The following LAMA2 variants were observed in gnomAD, a reference collection of about 807,000 sequenced individuals.
LAMA2 encodes the protein laminin subunit alpha 2.
A neutral mutation model predicts 364.8 loss-of-function variants in LAMA2; 269 were observed. The observed-to-expected ratio is 0.74, with a 90% confidence interval of 0.67 to 0.82. LAMA2 has a LOEUF of 0.82. Ranked by LOEUF, LAMA2 falls within the 40% of genes least tolerant of loss-of-function variation. The probability of loss-of-function intolerance (pLI) is 0.00; values close to 1 mark genes in which losing one functional copy is unlikely to be tolerated. For missense variants in LAMA2, 3,807 were observed against 3,873.2 expected, an observed-to-expected ratio of 0.98 and a Z score of 0.45; for synonymous variants, 1,379 against 1,370.6, an observed-to-expected ratio of 1.01 and a Z score of -0.14.
intron 41 of LAMA2, among the ~76,000 whole-genome samples, chr6:129,435,835 G>A (rs150590716): frequency 1.3e-5 from 2 of 152,138 alleles, no homozygotes; most frequent in African/African-American, 4.8e-5. Context: ...CTTTCCCTTT[G>A]CTATTCTTCA....
intron 58 of LAMA2, among the ~76,000 whole-genome samples, chr6:129,501,601 G>T (rs1785645139): frequency 6.6e-6 from 1 of 152,200 alleles, no homozygotes; most frequent in African/African-American, 2.4e-5. Flanking sequence ...TCAAAAGCCT[G>T]CCTTGGGCTG....
intron 4 of LAMA2, among the ~76,000 whole-genome samples, chr6:129,110,517 G>T (rs1207029210): frequency 6.6e-6 from 1 of 152,088 alleles, no homozygotes; most frequent in Non-Finnish European, 1.5e-5. Flanking sequence ...ACTATTGTTT[G>T]TGTTATCAAT....
chr6:129,219,226 A>G (rs192265333), intron 12 of LAMA2, among the ~76,000 whole-genome samples: 1 of 152,348 alleles, frequency 6.6e-6, no homozygotes, highest in East Asian at 1.9e-4. Context: ...ACATGAAAAA[A>G]TGCTCACCAT....
At chr6:128,982,866 G>GT (rs1782981459) in intron 1 of LAMA2, among the ~76,000 whole-genome samples, 1 of 149,452 alleles carries the variant, frequency 6.7e-6, no homozygotes, top group Non-Finnish European at 1.5e-5. Flanking sequence ...GCGGTGTTTG[G>GT]TTTTTTGTCC....
At chr6:129,095,478 C>T (rs953356676) in intron 3 of LAMA2, among the ~76,000 whole-genome samples, 7 of 151,970 alleles carry the variant, frequency 4.6e-5, no homozygotes, top group African/African-American at 1.2e-4. Context: ...CTCTAAGAAA[C>T]GTTTTTATAT....
In LAMA2 at chr6:129,144,057, A is replaced by G. The variant is rs994183064; in HGVS notation, c.796A>G (p.Ile266Val). The change falls in exon 5 of 65, where the codon ATT (isoleucine) becomes GTT (valine). Residue 266 changes from isoleucine to valine, a missense_variant. By Grantham distance (29) the Ile-to-Val change is conservative. Transcript: ENST00000421865. ...GTTTGCTCACAAAGACCCAAGAGAA[A>G]TTGACCCCATTGTCACCAGAAGAGT... The part of the protein sequence containing the change: ...MMFAHKDPRE[I>V]DPIVTRRYYY... 50 of 1,612,218 alleles carry G rather than the reference A, an allele frequency of 3.1e-5. No homozygotes were observed. The highest frequency in any genetic ancestry group is 5.0e-5 in the Admixed American group (3 of 59,832).
At position 128,924,577 on chromosome 6, in the gene LAMA2, G is replaced by A. The variant is rs555835670; in HGVS notation, c.112+41220G>A. The stretch of plus-strand genomic sequence containing the variant: ...AAAATCCCCTGTATAATAAACTAAA[G>A]CTTTTTTAACATCCTTCTTAATCCC... On this transcript the variant is annotated intron_variant, in intron 1 of 64. Transcript: ENST00000421865. 2.0e-5 allele frequency among the ~76,000 whole-genome samples: 3 copies of A among 152,126 alleles called. No homozygotes were observed. In the East Asian group the frequency reaches 5.8e-4, roughly 29 times the overall value.
At chr6:128,926,399 C>G (rs923434821) in intron 1 of LAMA2, among the ~76,000 whole-genome samples, 1 of 152,110 alleles carries the variant, frequency 6.6e-6, no homozygotes, top group African/African-American at 2.4e-5. Flanking sequence ...AATTTATAAT[C>G]CCCAGAGGTA....
chr6:129,456,874 T>G (rs1051677065), intron 48 of LAMA2, among the ~76,000 whole-genome samples: 2 of 152,184 alleles, frequency 1.3e-5, no homozygotes, highest in South Asian at 2.1e-4. Flanking sequence ...AATTAAAAGA[T>G]TTATGAATAC....
chr6:128,958,730 A>C (rs978874068), intron 1 of LAMA2, among the ~76,000 whole-genome samples: 7 of 152,202 alleles, frequency 4.6e-5, no homozygotes, highest in Non-Finnish European at 1.0e-4. Context: ...TATCTAAGTA[A>C]TACCTTTCGA....
intron 1 of LAMA2, among the ~76,000 whole-genome samples, chr6:129,018,312 G>A (rs1785201621): frequency 6.6e-6 from 1 of 151,674 alleles, no homozygotes; most frequent in Non-Finnish European, 1.5e-5. Context: ...CTTTAAGGTG[G>A]TAGAAAGTGT....
In LAMA2 at chr6:129,268,355, G is replaced by A. The variant is rs144245476; in HGVS notation, c.2322+1136G>A. On this transcript the variant is annotated intron_variant, in intron 16 of 64. Coordinates refer to ENST00000421865, the MANE Select transcript of LAMA2 (RefSeq NM_000426.4). ...TAAAATGTACTTTGGGAAAAATATTGGGTTACCTTTAAACACTTCACTAAC... is the reference window on the plus strand; with the variant it reads ...TAAAATGTACTTTGGGAAAAATATTAGGTTACCTTTAAACACTTCACTAAC... Among the ~76,000 whole-genome samples the A allele has an allele frequency of 2.7e-3, 409 of 150,440 alleles. 3 individuals carry two copies. The highest frequency in any genetic ancestry group is 9.9e-3 in the African/African-American group (395 of 40,034).
intron 1 of LAMA2, among the ~76,000 whole-genome samples, chr6:128,925,317 C>A (rs571912141): frequency 1.3e-5 from 2 of 152,242 alleles, no homozygotes; most frequent in Non-Finnish European, 2.9e-5. Context: ...TACGATGGAA[C>A]ATTATTCCGT....
At chr6:129,288,192 A>G in intron 19 of LAMA2, 134 bp downstream of exon 19, 1 of 768,334 alleles carries the variant, frequency 1.3e-6, no homozygotes, top group Non-Finnish European at 2.3e-6. Context: ...TAGAATATAC[A>G]GAGTCTGCAT....
intron 37 of LAMA2, among the ~76,000 whole-genome samples, chr6:129,394,037 C>T (rs551790294): frequency 4.3e-4 from 66 of 152,278 alleles, no homozygotes; most frequent in African/African-American, 1.6e-3. Flanking sequence ...CAGATTCCTC[C>T]ATTATTTTTT....
intron 1 of LAMA2, among the ~76,000 whole-genome samples, chr6:129,028,560 G>T (rs4895843): frequency 0.57 from 87,085 of 151,586 alleles, 28,868 homozygotes; most frequent in East Asian, 0.96. Context: ...AATCTACCAG[G>T]CATGTTTGTT....
intron 12 of LAMA2, among the ~76,000 whole-genome samples, chr6:129,235,318 A>G (rs1220625457): frequency 6.6e-6 from 1 of 152,164 alleles, no homozygotes; most frequent in Non-Finnish European, 1.5e-5. Flanking sequence ...ATGAATTCTA[A>G]CAAGAAGACT....
rs865827653 is a variant in LAMA2 at position 129,404,251 on chromosome 6, G to A, written c.5865+292G>A. Among the ~76,000 whole-genome samples, 3 of 151,052 alleles carry A rather than the reference G, an allele frequency of 2.0e-5. No individual in the cohort carries two copies. In the South Asian group the frequency reaches 6.3e-4, roughly 32 times the overall value. ...AGGCAAAGACAACACTCTGGATAGGGAATTTTATCACCATTATCTCAAATG... is the reference window on the plus strand; with the variant it reads ...AGGCAAAGACAACACTCTGGATAGGAAATTTTATCACCATTATCTCAAATG... On this transcript the variant is annotated intron_variant, in intron 40 of 64. Coordinates refer to ENST00000421865, the MANE Select transcript of LAMA2 (RefSeq NM_000426.4).
intron 56 of LAMA2, 79 bp from the exon 57 acceptor site, chr6:129,491,822 G>T: frequency 8.6e-7 from 1 of 1,169,032 alleles, no homozygotes. Context: ...AGGGGTGAAG[G>T]GTGGCAGGAA....
Sources: allele counts gnomAD v4.1 joint callset (sites outside exome capture counted in the v4.1 genomes callset), GRCh38; gene constraint gnomAD v4.1.1; transcripts MANE v1.5; gene names NCBI Gene and HGNC (gene_info 2026-07-23, HGNC 2026-07-21).